KLF12: variants seen among roughly 807,000 people sequenced by gnomAD.
KLF12 encodes KLF transcription factor 12.
Under a neutral mutation model 37.8 loss-of-function variants are expected in KLF12, and 9 were observed. The observed-to-expected ratio is 0.24, with a 90% CI of 0.14 to 0.42. KLF12 has a LOEUF of 0.42. Among genes scored for constraint, KLF12 ranks in the 10% least tolerant of loss-of-function variants. The pLI, the probability that KLF12 is intolerant of heterozygous loss-of-function variation, is 1.00. For synonymous variants in KLF12, 208 were observed against 202.1 expected, an observed-to-expected ratio of 1.03 and a Z score of -0.25; for missense variants, 411 against 516.0, an observed-to-expected ratio of 0.80 and a Z score of 1.97.
At chr13:73,977,688 TGAA>T (rs1273470201) in intron 2 of KLF12, among the ~76,000 whole-genome samples, 5 of 152,310 alleles carry the variant, frequency 3.3e-5, no homozygotes, top group African/African-American at 1.2e-4. Context: ...AGAACAATGT[TGAA>T]GAAATGACAT....
intron 2 of KLF12, among the ~76,000 whole-genome samples, chr13:73,954,170 G>A (rs995331942): frequency 6.6e-6 from 1 of 151,492 alleles, no homozygotes; most frequent in African/African-American, 2.4e-5. Flanking sequence ...AGTAGAGGCG[G>A]GGTTTCACCA....
intron 6 of KLF12, among the ~76,000 whole-genome samples, chr13:73,743,250 A>G (rs1432502148): frequency 6.6e-6 from 1 of 152,188 alleles, no homozygotes; most frequent in Non-Finnish European, 1.5e-5. Context: ...GGCTTGGCAT[A>G]TGAGAAAACT....
chr13:74,031,067 A>C (rs1393735295), intron 1 of KLF12, among the ~76,000 whole-genome samples: 1 of 152,154 alleles, frequency 6.6e-6, no homozygotes, highest in African/African-American at 2.4e-5. Flanking sequence ...AAGATTATAT[A>C]AACAGTCCAA....
At chr13:74,273,759 G>A in the KLF12 span, among the ~76,000 whole-genome samples, 1 of 152,072 alleles carries the variant, frequency 6.6e-6, no homozygotes, top group African/African-American at 2.4e-5. Context: ...TCTGGGAAAA[G>A]CCAAGATCAC....
chr13:74,047,124 C>A (rs1893567798), intron 1 of KLF12, among the ~76,000 whole-genome samples: 2 of 152,078 alleles, frequency 1.3e-5, no homozygotes, highest in Admixed American at 6.5e-5. Flanking sequence ...TCCTCTATGC[C>A]AGAGAAATGC....
intron 1 of KLF12, among the ~76,000 whole-genome samples, chr13:74,024,520 C>T (rs1472800164): frequency 6.6e-6 from 1 of 152,120 alleles, no homozygotes. Flanking sequence ...GGACCACTGC[C>T]GAGAGAGGGC....
chr13:74,222,456 C>CTAG, the KLF12 span, among the ~76,000 whole-genome samples: 3 of 152,252 alleles, frequency 2.0e-5, no homozygotes, highest in Admixed American at 2.0e-4. Context: ...ATTTATTGAT[C>CTAG]TAGTCATCAG....
rs74558366 is a variant in KLF12 at position 73,979,069 on chromosome 13, T to A, written c.33+15921A>T. Among the ~76,000 whole-genome samples the A allele has an allele frequency of 4.1e-3, 629 of 152,326 alleles. 3 individuals are homozygous for A. The highest frequency in any genetic ancestry group is 0.013 in the African/African-American group (561 of 41,578). On this transcript the variant is annotated intron_variant, in intron 2 of 7. Coordinates refer to ENST00000377669, the MANE Select transcript of KLF12 (RefSeq NM_007249.5). ...TTTTCATGGCAGTGAAACTGCTTTG[T>A]ATGAAACTATATCAGAGGATATGTA...
chr13:73,928,127 A>G (rs1474876917), intron 3 of KLF12, among the ~76,000 whole-genome samples: 1 of 152,200 alleles, frequency 6.6e-6, no homozygotes, highest in Non-Finnish European at 1.5e-5. Flanking sequence ...CAATGCTGGG[A>G]TTACAGGCGT....
the KLF12 span, among the ~76,000 whole-genome samples, chr13:74,293,575 A>G: frequency 6.6e-6 from 1 of 152,346 alleles, no homozygotes; most frequent in South Asian, 2.1e-4. Context: ...TTCTCAGTCC[A>G]TCATAATGAT....
chr13:74,278,357 G>T, the KLF12 span, among the ~76,000 whole-genome samples: 1 of 152,126 alleles, frequency 6.6e-6, no homozygotes, highest in African/African-American at 2.4e-5. Flanking sequence ...GGCCATATCT[G>T]GCCCAGTGGA....
intron 3 of KLF12, among the ~76,000 whole-genome samples, chr13:73,920,042 C>T (rs1242575597): frequency 2.0e-5 from 3 of 152,194 alleles, no homozygotes; most frequent in Non-Finnish European, 4.4e-5. Flanking sequence ...GGGTGCTCTA[C>T]TGTTAGCATC....
At chr13:74,165,914 A>G in the KLF12 span, among the ~76,000 whole-genome samples, 2 of 152,112 alleles carry the variant, frequency 1.3e-5, no homozygotes, top group Admixed American at 6.6e-5. Flanking sequence ...TGCAAAATCT[A>G]GTTTCTGTTT....
At chr13:73,859,932 TAA>T (rs1885827471) in intron 3 of KLF12, among the ~76,000 whole-genome samples, 1 of 152,194 alleles carries the variant, frequency 6.6e-6, no homozygotes, top group Admixed American at 6.5e-5. Flanking sequence ...CCTTTCAAGC[TAA>T]AGACTCATAA....
At chr13:74,215,136 T>A in the KLF12 span, among the ~76,000 whole-genome samples, 24 of 152,198 alleles carry the variant, frequency 1.6e-4, no homozygotes, top group African/African-American at 5.3e-4. Context: ...TTTTCTCCAC[T>A]GTATTCTCCT....
intron 5 of KLF12, among the ~76,000 whole-genome samples, chr13:73,770,565 C>T (rs1274689483): frequency 1.3e-5 from 2 of 151,308 alleles, no homozygotes; most frequent in African/African-American, 4.9e-5. Flanking sequence ...CTCTGTCACC[C>T]AGGCTGGAGT....
chr13:74,293,954 C>T, the KLF12 span, among the ~76,000 whole-genome samples: 1 of 152,204 alleles, frequency 6.6e-6, no homozygotes, highest in Non-Finnish European at 1.5e-5. Flanking sequence ...GCTATCTCCT[C>T]TCACCTCTTA....
intron 2 of KLF12, among the ~76,000 whole-genome samples, chr13:73,945,648 C>A (rs1423076750): frequency 1.3e-5 from 2 of 150,132 alleles, no homozygotes; most frequent in Non-Finnish European, 3.0e-5. Flanking sequence ...AAGGAATCAA[C>A]AAAAAAAAAG....
chr13:74,020,563 C>G lies in KLF12; in HGVS notation c.-31-25510G>C, dbSNP rs543808762. Among the ~76,000 whole-genome samples the G allele has an allele frequency of 2.6e-5, 4 of 152,116 alleles. No homozygotes were observed. In the South Asian group the frequency reaches 8.3e-4, roughly 32 times the overall value. ...ACAATCAGGTAGAAATAGAGAAGGG[C>G]AAGGAAATAATTGTTTAGACTTTTC... is the stretch of plus-strand genomic sequence containing the variant. On this transcript the variant is annotated intron_variant, in intron 1 of 7. Coordinates refer to ENST00000377669, the MANE Select transcript of KLF12 (RefSeq NM_007249.5).
Sources: allele counts gnomAD v4.1 joint callset (sites outside exome capture counted in the v4.1 genomes callset), GRCh38; gene constraint gnomAD v4.1.1; transcripts MANE v1.5; gene names NCBI Gene and HGNC (gene_info 2026-07-23, HGNC 2026-07-21).